NDUFS1: variants seen among roughly 807,000 people sequenced by gnomAD.
NDUFS1 encodes NADH-ubiquinone oxidoreductase 75 kDa subunit, mitochondrial.
NDUFS1 carries 61 observed loss-of-function variants against 84.4 expected under a neutral mutation model. That is an observed-to-expected ratio of 0.72 (90% CI 0.59 to 0.89). NDUFS1 has a LOEUF of 0.89. Ranked by LOEUF, NDUFS1 falls within the 40% of genes least tolerant of loss-of-function variation. The pLI, the probability that NDUFS1 is intolerant of heterozygous loss-of-function variation, is 0.00. For synonymous variants in NDUFS1, 275 were observed against 290.0 expected (o/e 0.95, Z 0.53); for missense variants, 891 against 890.0 (o/e 1.00, Z -0.01).
At chr2:206,137,158 TG>T (rs1326179305) in intron 13 of NDUFS1, among the ~76,000 whole-genome samples, 2 of 152,164 alleles carry the variant, frequency 1.3e-5, no homozygotes, top group Non-Finnish European at 2.9e-5. Flanking sequence ...AGTCTTATAG[TG>T]ATGTCTTCAC....
chr2:206,148,347 C>T (rs900581019), intron 5 of NDUFS1, among the ~76,000 whole-genome samples: 5 of 151,868 alleles, frequency 3.3e-5, no homozygotes, highest in Admixed American at 1.3e-4. Context: ...TTTTAAGAGA[C>T]GGGGTCTTGC....
intron 13 of NDUFS1, among the ~76,000 whole-genome samples, chr2:206,135,754 T>G (rs1377578918): frequency 6.6e-6 from 1 of 152,142 alleles, no homozygotes; most frequent in East Asian, 1.9e-4. Context: ...GGATGGGAAT[T>G]AGAGAGGAGA....
Position 206,153,637 on chromosome 2 carries a change from A to T in NDUFS1, c.42T>A (p.Ser14=), listed in dbSNP as rs1306993759. 6.5e-7 allele frequency: 1 copy of T among 1,548,440 alleles called. No homozygotes were observed. Among genetic ancestry groups the T allele is most frequent in the Non-Finnish European group, 8.9e-7 (1 of 1,121,324 alleles). ...ACTCACCACATCCTTTAGGAGACTT[A>T]GAAAGGCCTACTAAGGCCTTTCTTA... ...IPVRKALVGL[S]KSPKGCVRTT... is the part of the protein sequence containing the mutation. The change falls in exon 2 of 19, where the codon TCT becomes TCA. Residue 14 remains serine (S), a synonymous_variant. Transcript: ENST00000233190.
At chr2:206,149,397 G>A (rs146888419) in intron 4 of NDUFS1, among the ~76,000 whole-genome samples, 137 of 152,052 alleles carry the variant, frequency 9.0e-4, no homozygotes, top group African/African-American at 3.1e-3. Flanking sequence ...TGATTAGCAG[G>A]CACTATTGAA....
At position 206,115,688 on chromosome 2, in the gene NDUFS1, A is replaced by C; in HGVS notation, c.*8497T>G. The C allele has an allele frequency of 2.5e-6, 1 of 402,124 alleles. No homozygotes were observed. The highest frequency in any genetic ancestry group is 4.8e-6 in the Non-Finnish European group (1 of 209,552). The allele number at this position is 402,124 out of a possible 1,614,324, so 24.9% of individuals were successfully genotyped here. The stretch of plus-strand genomic sequence containing the variant: ...GTTCTTCATCTGACACTGTACAAGC[A>C]ACAAAAACTTCTTCACTCCCAGTTA... On this transcript the variant is annotated 3_prime_UTR_variant, in exon 19 of 19. Transcript: ENST00000233190.
rs143997532 is a variant in NDUFS1, at chr2:206,127,181, A to G, written c.1885-337T>C. 5.3e-5 allele frequency among the ~76,000 whole-genome samples: 8 copies of G among 152,366 alleles called. No individual in the cohort carries two copies. The East Asian group carries it at 1.3e-3, about 26-fold the overall frequency. Reference sequence around the variant, plus strand: ...TCAGGATGCTTACTTTTACATCAATAAAGAGCTAACAGATGTATTTTCAGG... The same window carrying G: ...TCAGGATGCTTACTTTTACATCAATGAAGAGCTAACAGATGTATTTTCAGG... On this transcript the variant is annotated intron_variant, in intron 16 of 18. Coordinates refer to ENST00000233190, the MANE Select transcript of NDUFS1 (RefSeq NM_005006.7).
chr2:206,137,196 C>T (rs543868404), intron 13 of NDUFS1, among the ~76,000 whole-genome samples: 2 of 152,264 alleles, frequency 1.3e-5, no homozygotes, highest in Admixed American at 1.3e-4. Context: ...GGTGAAGTTA[C>T]TGAATTTCAA....
At position 206,149,804 on chromosome 2, in the gene NDUFS1, T is replaced by C; in HGVS notation, c.261+14A>G. The stretch of plus-strand genomic sequence containing the variant: ...CCTTCTACAGCATGGTGTAGAATTT[T>C]AGGTATCAAGTACCTTAGGGGCTTT... On this transcript the variant is annotated intron_variant, in intron 4 of 18. Coordinates refer to ENST00000233190, the MANE Select transcript of NDUFS1 (RefSeq NM_005006.7). 4 of 1,585,236 alleles carry C rather than the reference T, an allele frequency of 2.5e-6. No individual in the cohort carries two copies. Among genetic ancestry groups the C allele is most frequent in the Non-Finnish European group, 3.5e-6 (4 of 1,153,790 alleles).
At chr2:206,139,434 G>A (rs6714825) in intron 12 of NDUFS1, among the ~76,000 whole-genome samples, 65,365 of 151,810 alleles carry the variant, frequency 0.43, 14,474 homozygotes, top group African/African-American at 0.49. Context: ...TGATCCACCC[G>A]CCTCAGCCTC....
chr2:206,128,896 T>G (rs2105946812), intron 15 of NDUFS1, among the ~76,000 whole-genome samples: 1 of 152,270 alleles, frequency 6.6e-6, no homozygotes, highest in South Asian at 2.1e-4. Flanking sequence ...AGTATACTGA[T>G]GCTTACAAAG....
At chr2:206,140,062 G>A (rs1691876567) in intron 12 of NDUFS1, among the ~76,000 whole-genome samples, 1 of 151,966 alleles carries the variant, frequency 6.6e-6, no homozygotes, top group Non-Finnish European at 1.5e-5. Context: ...CTAAATTTCT[G>A]GCTGGATGCA....
intron 2 of NDUFS1, 56 bp from the exon 3 acceptor site, chr2:206,152,566 G>C (rs1009689098): frequency 2.7e-5 from 38 of 1,426,670 alleles, no homozygotes; most frequent in Non-Finnish European, 3.8e-5. Context: ...TATAGCAGAT[G>C]ATAATGGATG....
chr2:206,118,109 T>A lies in NDUFS1; in HGVS notation c.*6076A>T, dbSNP rs1450400178. The A allele has an allele frequency of 6.6e-6, 1 of 152,184 alleles. No homozygotes were observed. The highest frequency in any genetic ancestry group is 1.5e-5 in the Non-Finnish European group (1 of 68,036). The allele number at this position is 152,184 out of a possible 1,614,324, so 9.4% of individuals were successfully genotyped here. A position where few individuals can be genotyped will look rare whatever the true frequency, so the allele number is the denominator to read the frequency against. ...ATATTAAGATATCAGATGTTTTGAG[T>A]ATCAGCAATAGGTAAGTCAATCTCT... On this transcript the variant is annotated 3_prime_UTR_variant, in exon 19 of 19. Coordinates refer to ENST00000233190, the MANE Select transcript of NDUFS1 (RefSeq NM_005006.7).
chr2:206,159,263 G>A (rs1473215813), intron 1 of NDUFS1, 78 bp downstream of exon 1: 10 of 889,684 alleles, frequency 1.1e-5, no homozygotes, highest in African/African-American at 1.7e-5. Context: ...ACGTCGCGTG[G>A]GCCAAAGGAA....
chr2:206,128,540 G>C (rs1691383850), intron 15 of NDUFS1, among the ~76,000 whole-genome samples: 1 of 151,584 alleles, frequency 6.6e-6, no homozygotes, highest in Non-Finnish European at 1.5e-5. Flanking sequence ...CACTTTGGGA[G>C]GCCAAGGTGG....
At position 206,147,091 on chromosome 2, in the gene NDUFS1, A is replaced by G; in HGVS notation, c.552-3T>C. 6.2e-7 allele frequency: 1 copy of G among 1,614,044 alleles called. No individual in the cohort carries two copies. Among genetic ancestry groups the G allele is most frequent in the Non-Finnish European group, 8.5e-7 (1 of 1,179,964 alleles). On this transcript the variant is annotated splice_polypyrimidine_tract_variant and splice_region_variant and intron_variant, in intron 7 of 18. Transcript: ENST00000233190. The stretch of plus-strand genomic sequence containing the variant: ...CTCCTGCAATCTCACTTGCAAACCT[A>G]CAAGATAAAAAATGTGTCATCAATG...
intron 2 of NDUFS1, among the ~76,000 whole-genome samples, chr2:206,153,338 G>A (rs1692448156): frequency 2.0e-5 from 3 of 151,818 alleles, no homozygotes. Context: ...TGGGATTACA[G>A]GTGTGCCCCA....
At chr2:206,145,640 T>C (rs1306943996) in intron 8 of NDUFS1, among the ~76,000 whole-genome samples, 2 of 152,104 alleles carry the variant, frequency 1.3e-5, no homozygotes, top group Non-Finnish European at 2.9e-5. Context: ...AAACCCACCA[T>C]TTCAGCAGTT....
Position 206,155,954 on chromosome 2 carries a change from T to C in NDUFS1, c.-4-2272A>G, listed in dbSNP as rs566362104. On this transcript the variant is annotated intron_variant, in intron 1 of 18. Coordinates refer to ENST00000233190, the MANE Select transcript of NDUFS1 (RefSeq NM_005006.7). ...CTTTCCTTCTATTCACTTGATCATA[T>C]AGGTTGAGCATCCAAAATCATTTGG... is the stretch of plus-strand genomic sequence containing the variant. 1.9e-3 allele frequency among the ~76,000 whole-genome samples: 295 copies of C among 151,834 alleles called. 1 individual carries two copies. Among genetic ancestry groups the C allele is most frequent in the African/African-American group, 6.7e-3 (278 of 41,436 alleles).
Sources: allele counts gnomAD v4.1 joint callset (sites outside exome capture counted in the v4.1 genomes callset), GRCh38; gene constraint gnomAD v4.1.1; transcripts MANE v1.5; gene names NCBI Gene and HGNC (gene_info 2026-07-23, HGNC 2026-07-21).